The following KIF26B variants were observed in gnomAD, a reference collection of about 807,000 sequenced individuals.
KIF26B encodes kinesin family member 26B, also known as kinesin-like protein KIF26B.
In KIF26B, 63 loss-of-function variants were observed where a neutral mutation model predicts 151.2. The ratio of observed to expected loss-of-function variants is 0.42; its 90% CI spans 0.34 to 0.51. KIF26B has a LOEUF of 0.51. Among genes scored for constraint, KIF26B ranks in the 20% least tolerant of loss-of-function variants. The pLI is 0.07. For missense variants in KIF26B, 2,813 were observed against 2,913.6 expected (o/e 0.97, Z 0.79); for synonymous variants, 1,357 against 1,262.1 (o/e 1.08, Z -1.59).
At chr1:245,175,095 C>G (rs1558334330) in intron 2 of KIF26B, among the ~76,000 whole-genome samples, 1 of 152,102 alleles carries the variant, frequency 6.6e-6, no homozygotes, top group South Asian at 2.1e-4. Flanking sequence ...TTGAGACTTC[C>G]CACCAGGGTG....
intron 4 of KIF26B, among the ~76,000 whole-genome samples, chr1:245,455,268 G>A (rs562597206): frequency 3.9e-5 from 6 of 152,206 alleles, no homozygotes; most frequent in African/African-American, 1.2e-4. Context: ...CACTTTGGGA[G>A]GCTGAGGCGG....
At chr1:245,684,482 C>T (rs1031449799) in intron 11 of KIF26B, 87 bp downstream of exon 11, 29 of 1,331,202 alleles carry the variant, frequency 2.2e-5, no homozygotes, top group Middle Eastern at 1.9e-4. Context: ...GCCAAATCAA[C>T]GTTGCCAATC....
At chr1:245,448,201 G>A (rs1659291122) in intron 4 of KIF26B, among the ~76,000 whole-genome samples, 1 of 152,030 alleles carries the variant, frequency 6.6e-6, no homozygotes, top group Non-Finnish European at 1.5e-5. Context: ...TTATTTGTAT[G>A]TTTTTTTTGT....
intron 2 of KIF26B, among the ~76,000 whole-genome samples, chr1:245,339,213 C>T (rs1034375546): frequency 3.3e-5 from 5 of 152,078 alleles, no homozygotes; most frequent in South Asian, 2.1e-4. Context: ...CTCCTTACCT[C>T]GTGATCCACC....
At chr1:245,172,223 G>A (rs919737320) in intron 2 of KIF26B, among the ~76,000 whole-genome samples, 8 of 152,122 alleles carry the variant, frequency 5.3e-5, no homozygotes, top group Non-Finnish European at 1.2e-4. Context: ...TGGTGGGGGG[G>A]GTGGGTACAG....
At chr1:245,636,254 G>A (rs533311819) in intron 9 of KIF26B, among the ~76,000 whole-genome samples, 1 of 152,054 alleles carries the variant, frequency 6.6e-6, no homozygotes, top group Admixed American at 6.6e-5. Flanking sequence ...TCTTCATGCA[G>A]TTCTACCAGA....
At chr1:245,547,895 A>G (rs868570375) in intron 5 of KIF26B, among the ~76,000 whole-genome samples, 2 of 152,188 alleles carry the variant, frequency 1.3e-5, no homozygotes, top group South Asian at 2.1e-4. Flanking sequence ...AGAGTCTCCT[A>G]TCTTATATAC....
At chr1:245,349,336 C>T (rs984961150) in intron 2 of KIF26B, among the ~76,000 whole-genome samples, 1 of 152,030 alleles carries the variant, frequency 6.6e-6, no homozygotes, top group African/African-American at 2.4e-5. Flanking sequence ...TATAAATGTA[C>T]CTGAAATTGT....
intron 4 of KIF26B, among the ~76,000 whole-genome samples, chr1:245,504,182 C>G (rs1660680893): frequency 6.6e-6 from 1 of 152,098 alleles, no homozygotes; most frequent in Admixed American, 6.5e-5. Context: ...CTCTGGGGAG[C>G]TTTACATCAC....
At chr1:245,243,441 T>C (rs28886910) in intron 2 of KIF26B, among the ~76,000 whole-genome samples, 11 of 34,538 alleles carry the variant, frequency 3.2e-4, no homozygotes, top group Admixed American at 1.4e-3. Flanking sequence ...CATACATATA[T>C]ATATATACAC....
At position 245,606,429 on chromosome 1, in the gene KIF26B, C is replaced by T. The variant is rs372724590; in HGVS notation, c.1558-1222C>T. ...CTCCCACGAGCCCTGACTCCGGCCC[C>T]GAGACAGAAATGAAAGCAACAGGGC... On this transcript the variant is annotated intron_variant, in intron 6 of 14. Coordinates refer to ENST00000407071, the MANE Select transcript of KIF26B (RefSeq NM_018012.4). The surrounding 1 kb of genome is among the most constrained non-coding windows in gnomAD (Gnocchi z 4.6). Among the ~76,000 whole-genome samples the T allele has an allele frequency of 1.3e-5, 2 of 151,534 alleles. No individual in the cohort carries two copies. The highest frequency in any genetic ancestry group is 6.5e-5 in the Admixed American group (1 of 15,286).
At chr1:245,665,206 T>C (rs1289958385) in intron 10 of KIF26B, among the ~76,000 whole-genome samples, 1 of 152,232 alleles carries the variant, frequency 6.6e-6, no homozygotes, top group African/African-American at 2.4e-5. Context: ...TTTTTAATCA[T>C]TGCAATTCAT....
chr1:245,588,283 A>G (rs2043248657), intron 5 of KIF26B, among the ~76,000 whole-genome samples: 1 of 152,202 alleles, frequency 6.6e-6, no homozygotes, highest in Admixed American at 6.5e-5. Flanking sequence ...AAGAAAATAA[A>G]GAGAAGACAC....
At position 245,532,279 on chromosome 1, in the gene KIF26B, T is replaced by C. The variant is rs540567566; in HGVS notation, c.1167-8488T>C. Among the ~76,000 whole-genome samples, 41 of 141,932 alleles carry C rather than the reference T, an allele frequency of 2.9e-4. 1 individual carries two copies. The South Asian group carries it at 7.8e-3, about 27-fold the overall frequency. The allele number at this position is 141,932 out of a possible 152,430, so 93.1% of individuals were successfully genotyped here. On this transcript the variant is annotated intron_variant, in intron 4 of 14. Transcript: ENST00000407071. The stretch of plus-strand genomic sequence containing the variant: ...TTTTTTTTTTGAGACAGAGTCTTGC[T>C]CTGTCGCCCAGGCTGGAGTGCAGTG...
chr1:245,668,499 A>T (rs6702074), intron 10 of KIF26B, among the ~76,000 whole-genome samples: 7,215 of 152,242 alleles, frequency 0.047, 502 homozygotes, highest in African/African-American at 0.15. Flanking sequence ...TACTTAATGT[A>T]TGAGTTGTGG....
At chr1:245,209,221 G>A (rs1669464116) in intron 2 of KIF26B, among the ~76,000 whole-genome samples, 2 of 152,100 alleles carry the variant, frequency 1.3e-5, no homozygotes, top group South Asian at 4.1e-4. Flanking sequence ...CTAACATGGT[G>A]AAACCCCATT....
intron 3 of KIF26B, among the ~76,000 whole-genome samples, chr1:245,392,036 T>A (rs819877): frequency 0.44 from 63,067 of 142,950 alleles, 15,258 homozygotes; most frequent in South Asian, 0.65. Flanking sequence ...GAATTCCCAA[T>A]AAATACATAG....
At chr1:245,419,989 G>A (rs1020121502) in intron 4 of KIF26B, among the ~76,000 whole-genome samples, 7 of 152,108 alleles carry the variant, frequency 4.6e-5, no homozygotes, top group African/African-American at 1.4e-4. Context: ...ATGTGTGCCC[G>A]CAGTACCCTC....
intron 9 of KIF26B, among the ~76,000 whole-genome samples, chr1:245,644,168 G>A (rs2043921568): frequency 6.6e-6 from 1 of 151,522 alleles, no homozygotes; most frequent in Non-Finnish European, 1.5e-5. Context: ...TTTTTTCTGT[G>A]TTTTATTTGT....
Sources: gnomAD v4.1 joint callset for allele counts (sites outside exome capture counted in the v4.1 genomes callset) on GRCh38, gnomAD v4.1.1 for gene constraint, Gnocchi (gnomAD v3.1) non-coding constraint, MANE v1.5 for transcripts, NCBI Gene and HGNC (gene_info 2026-07-23, HGNC 2026-07-21) for gene names.